Variants in CISH observed in about 807,000 individuals in gnomAD.
The protein encoded by CISH is cytokine-inducible SH2-containing protein.
In CISH, 11 loss-of-function variants were observed where a neutral mutation model predicts 21.3. The ratio of observed to expected loss-of-function variants is 0.52; its 90% CI spans 0.32 to 0.85. The LOEUF (loss-of-function observed/expected upper bound fraction) is 0.85, where lower values mean the gene tolerates loss of function less well. Ranked by LOEUF, CISH falls within the 40% of genes least tolerant of loss-of-function variation. The pLI is 0.03. For missense variants in CISH, 280 were observed against 351.7 expected, an observed-to-expected ratio of 0.80 and a Z score of 1.63; for synonymous variants, 118 against 142.3, an observed-to-expected ratio of 0.83 and a Z score of 1.22.
chr3:50,609,874 G>C (rs1057069577), intron 1 of CISH: 1 of 155,370 alleles, frequency 6.4e-6, no homozygotes, highest in African/African-American at 2.4e-5. Flanking sequence ...AAGGAGCTGG[G>C]GGAAGGGACC....
At chr3:50,610,764 C>A in intron 1 of CISH, 2 of 1,220,252 alleles carry the variant, frequency 1.6e-6, no homozygotes, top group Non-Finnish European at 2.1e-6. Context: ...AGCACAGCCA[C>A]CCAGTCCTCC....
At chr3:50,610,343 G>C in intron 1 of CISH, 1 of 1,550,272 alleles carries the variant, frequency 6.5e-7, no homozygotes, top group Non-Finnish European at 8.7e-7. Context: ...TAGCTGTGTT[G>C]ATCACCACAA....
intron 1 of CISH, 38 bp from the exon 2 acceptor site, chr3:50,608,631 T>C: frequency 7.2e-7 from 1 of 1,379,498 alleles, no homozygotes; most frequent in African/African-American, 1.5e-5. Flanking sequence ...GGAGGACCCA[T>C]GCTTCCCCCA....
In CISH at chr3:50,611,767, C is replaced by T; in HGVS notation, c.-117G>A. ...GCTCCCGGGGCGCGCGGGCGCAGGA[C>T]AGGGACTGAGAGGCAGTGGCGCGGA... On this transcript the variant is annotated 5_prime_UTR_variant, in exon 1 of 3. Transcript: ENST00000348721. 7.4e-7 allele frequency: 1 copy of T among 1,347,424 alleles called. No homozygotes were observed. The highest frequency in any genetic ancestry group is 9.6e-7 in the Non-Finnish European group (1 of 1,043,214). The allele number at this position is 1,347,424 out of a possible 1,614,324, so 83.5% of individuals were successfully genotyped here.
At chr3:50,610,355 C>T in intron 1 of CISH, 1 of 1,551,300 alleles carries the variant, frequency 6.4e-7, no homozygotes, top group African/African-American at 1.4e-5. Flanking sequence ...TCACCACAAG[C>T]TCCTGGTGAG....
chr3:50,608,900 C>G, intron 1 of CISH: 1 of 335,584 alleles, frequency 3.0e-6, no homozygotes, highest in Non-Finnish European at 5.4e-6. Flanking sequence ...ACAGATCATT[C>G]CCTATAGGCA....
At chr3:50,610,601 G>A in intron 1 of CISH, 1 of 1,471,840 alleles carries the variant, frequency 6.8e-7, no homozygotes, top group Non-Finnish European at 9.0e-7. Context: ...GAAGGCAGTG[G>A]TGGGGCAGGT....
rs1452395597 is a variant in CISH, at chr3:50,608,410, C to T, written c.204G>A (p.Leu68=). ...PKVLDPEEDL[L]CIAKTFSYLR... is the part of the protein sequence containing the mutation. ...GGTAGGAGAAGGTCTTGGCTATGCA[C>T]AGCAGATCCTCCTCTGGGTCCAGCA... is the stretch of plus-strand genomic sequence containing the variant. The change falls in exon 2 of 3, where the codon CTG becomes CTA. Residue 68 remains leucine, a synonymous_variant. Coordinates refer to ENST00000348721, the MANE Select transcript of CISH (RefSeq NM_145071.4). The T allele has an allele frequency of 2.5e-6, 4 of 1,612,854 alleles. No homozygotes were observed. Among genetic ancestry groups the T allele is most frequent in the African/African-American group, 1.3e-5 (1 of 74,906 alleles).
chr3:50,608,192 T>C, intron 2 of CISH, 50 bp from the exon 3 acceptor site: 2 of 1,564,048 alleles, frequency 1.3e-6, no homozygotes, highest in Non-Finnish European at 1.7e-6. Context: ...TTAGCTGGGG[T>C]AACCAATCCA....
Position 50,607,649 on chromosome 3 carries a change from C to T in CISH, c.735G>A (p.Arg245=). 6.2e-7 allele frequency: 1 copy of T among 1,613,578 alleles called. No homozygotes were observed. The highest frequency in any genetic ancestry group is 8.5e-7 in the Non-Finnish European group (1 of 1,179,946). The change falls in exon 3 of 3, where the codon CGG becomes CGA. Residue 245 remains arginine, a synonymous_variant. Transcript: ENST00000348721. ...VADVDCLPLP[R]RMADYLRQYP... ...ACTGTCGGAGGTAGTCGGCCATGCG[C>T]CGGGGCAGTGGCAGGCAGTCCACGT...
chr3:50,607,987 A>G lies in CISH; in HGVS notation c.397T>C (p.Tyr133His), dbSNP rs748801053. ...TCCAGACGGAAGCTGGAGTCGGCATACTCAATGCGTACATTGGTGGGGCCA... is the reference window on the plus strand; with the variant it reads ...TCCAGACGGAAGCTGGAGTCGGCATGCTCAATGCGTACATTGGTGGGGCCA... The part of the protein sequence containing the change: ...TRGPTNVRIE[Y>H]ADSSFRLDSN... Residue 133 changes from tyrosine to histidine, a missense_variant, in exon 3 of 3, where the codon TAT becomes CAT. Transcript: ENST00000348721. 2 of 1,614,034 alleles carry G rather than the reference A, an allele frequency of 1.2e-6. No homozygotes were observed. Among genetic ancestry groups the G allele is most frequent in the Non-Finnish European group, 1.7e-6 (2 of 1,180,020 alleles).
intron 1 of CISH, chr3:50,611,214 G>T (rs1185958473): frequency 3.8e-6 from 4 of 1,050,170 alleles, no homozygotes; most frequent in Non-Finnish European, 4.6e-6. Context: ...GGGGACACCA[G>T]GACAGAGGGG....
intron 1 of CISH, 26 bp from the exon 2 acceptor site, chr3:50,608,619 G>A (rs2032235406): frequency 7.0e-7 from 1 of 1,424,680 alleles, no homozygotes; most frequent in South Asian, 1.5e-5. Context: ...TGAGCAGTGA[G>A]TGGAGGACCC....
In CISH at chr3:50,607,882, T is replaced by C. The variant is rs769459339; in HGVS notation, c.502A>G (p.Thr168Ala). ...GGGCTGTCGCTTCGGGTATCAGCAG[T>C]GCAGGAGGCCACATAGTGCTGCACA... The part of the protein sequence containing the change: ...SLVQHYVASC[T>A]ADTRSDSPDP... The change falls in exon 3 of 3, where the codon ACT becomes GCT. Residue 168 changes from threonine to alanine, a missense_variant. Coordinates refer to ENST00000348721, the MANE Select transcript of CISH (RefSeq NM_145071.4). 3 of 1,613,722 alleles carry C rather than the reference T, an allele frequency of 1.9e-6. No individual in the cohort carries two copies. Among genetic ancestry groups the C allele is most frequent in the South Asian group, 2.2e-5 (2 of 91,078 alleles).
In CISH at chr3:50,607,650, C is replaced by T. The variant is rs138916184; in HGVS notation, c.734G>A (p.Arg245Gln). 2.3e-3 allele frequency: 3,647 copies of T among 1,613,558 alleles called. 6 individuals are homozygous for T. The highest frequency in any genetic ancestry group is 2.9e-3 in the Non-Finnish European group (3,371 of 1,179,938). The change falls in exon 3 of 3, where the codon CGG becomes CAG. Residue 245 changes from arginine to glutamine, a missense_variant. Physicochemically the swap from Arg to Gln is conservative, Grantham distance 43. Transcript: ENST00000348721. ...VADVDCLPLP[R>Q]RMADYLRQYP... is the part of the protein sequence containing the mutation. ...CTGTCGGAGGTAGTCGGCCATGCGCCGGGGCAGTGGCAGGCAGTCCACGTC... is the reference window on the plus strand; with the variant it reads ...CTGTCGGAGGTAGTCGGCCATGCGCTGGGGCAGTGGCAGGCAGTCCACGTC...
chr3:50,611,520 A>T (rs1345825820), intron 1 of CISH, 111 bp downstream of exon 1: 1 of 1,501,886 alleles, frequency 6.7e-7, no homozygotes, highest in African/African-American at 1.5e-5. Flanking sequence ...GTCTGCGCTC[A>T]GTCACCTCTG....
At position 50,607,988 on chromosome 3, in the gene CISH, C is replaced by A; in HGVS notation, c.396G>T (p.Glu132Asp). ...TTRGPTNVRI[E>D]YADSSFRLDS... ...CCAGACGGAAGCTGGAGTCGGCATA[C>A]TCAATGCGTACATTGGTGGGGCCAC... The change falls in exon 3 of 3, where the codon GAG (glutamate) becomes GAT (aspartate). Residue 132 changes from glutamate to aspartate, a missense_variant. Transcript: ENST00000348721. The A allele has an allele frequency of 1.2e-6, 2 of 1,614,088 alleles. No homozygotes were observed. Among genetic ancestry groups the A allele is most frequent in the Non-Finnish European group, 1.7e-6 (2 of 1,180,026 alleles).
chr3:50,611,698 G>A lies in CISH; in HGVS notation c.-48C>T, dbSNP rs984623093. 8.3e-6 allele frequency: 12 copies of A among 1,452,568 alleles called. No individual in the cohort carries two copies. The Admixed American group carries it at 1.5e-4, about 18-fold the overall frequency. 90.0% of individuals were successfully genotyped at this position (1,452,568 alleles called of 1,614,324 possible). ...CGGAGTGGGGACTCGGCTGGACGGCGGCGGCTGGAGGGAACCAGTGGGCGC... is the reference window on the plus strand; with the variant it reads ...CGGAGTGGGGACTCGGCTGGACGGCAGCGGCTGGAGGGAACCAGTGGGCGC... On this transcript the variant is annotated 5_prime_UTR_variant, in exon 1 of 3. Transcript: ENST00000348721.
In CISH at chr3:50,611,646, A is replaced by G; in HGVS notation, c.5T>C (p.Val2Ala). M[V>A]LCVQGPRPLL... ...CCGCGCTTACCCCTGAACGCAGAGG[A>G]CCATGTCCCCGCGGCAGCGGCGACT... Residue 2 changes from valine (V) to alanine (A), a missense_variant, in exon 1 of 3, where the codon GTC becomes GCC. Physicochemically the swap from Val to Ala is moderately conservative, Grantham distance 64 (BLOSUM62 0). Coordinates refer to ENST00000348721, the MANE Select transcript of CISH (RefSeq NM_145071.4). 6.7e-7 allele frequency: 1 copy of G among 1,496,358 alleles called. No individual in the cohort carries two copies. The highest frequency in any genetic ancestry group is 1.3e-5 in the South Asian group (1 of 78,780). 92.7% of individuals were successfully genotyped at this position (1,496,358 alleles called of 1,614,324 possible). A position where few individuals can be genotyped will look rare whatever the true frequency, so the allele number is the denominator to read the frequency against.
Sources: gnomAD v4.1 joint callset for allele counts on GRCh38, gnomAD v4.1.1 for gene constraint, MANE v1.5 for transcripts, NCBI Gene and HGNC (gene_info 2026-07-23, HGNC 2026-07-21) for gene names.